The following FLRT1 variants were observed in gnomAD, a reference collection of about 807,000 sequenced individuals.
FLRT1 encodes the protein fibronectin leucine rich transmembrane protein 1.
In FLRT1, 14 loss-of-function variants were observed where a neutral mutation model predicts 30.9. The ratio of observed to expected loss-of-function variants is 0.45; its 90% CI spans 0.30 to 0.71. The LOEUF is 0.71. Ranked by LOEUF, FLRT1 falls within the 30% of genes least tolerant of loss-of-function variation. The pLI is 0.08. For missense variants in FLRT1, 737 were observed against 949.2 expected (o/e 0.78, Z 2.94); for synonymous variants, 368 against 430.4 (o/e 0.85, Z 1.80).
chr11:64,101,688 C>T lies in FLRT1; in HGVS notation c.-1037-1506C>T, dbSNP rs920315178. ...TAGCAATAAGGGCTCGTGCTAGAGCCGGCCGCCCTCCCGCCGCGTGCAGGG... is the reference window on the plus strand; with the variant it reads ...TAGCAATAAGGGCTCGTGCTAGAGCTGGCCGCCCTCCCGCCGCGTGCAGGG... On this transcript the variant is annotated intron_variant, in intron 1 of 2. Transcript: ENST00000682287. Among the ~76,000 whole-genome samples, 6 of 152,262 alleles carry T rather than the reference C, an allele frequency of 3.9e-5. No individual in the cohort carries two copies. In the Middle Eastern group the frequency reaches 0.01, roughly 259 times the overall value.
chr11:64,065,379 C>T (rs192561170), intron 1 of FLRT1, among the ~76,000 whole-genome samples: 10 of 152,314 alleles, frequency 6.6e-5, no homozygotes, highest in Admixed American at 6.5e-4. Context: ...CAGGTCCTCA[C>T]AGATTTGCCA....
chr11:64,076,710 C>T (rs1185584701), intron 1 of FLRT1, among the ~76,000 whole-genome samples: 2 of 152,202 alleles, frequency 1.3e-5, no homozygotes, highest in Non-Finnish European at 2.9e-5. Context: ...TCCATGTTTT[C>T]AGGAGCCGGA....
intron 1 of FLRT1, among the ~76,000 whole-genome samples, chr11:64,049,650 G>A (rs541021721): frequency 6.6e-6 from 1 of 152,232 alleles, no homozygotes; most frequent in African/African-American, 2.4e-5. Flanking sequence ...CCTGCTGAAG[G>A]GGGTGGACGC....
intron 1 of FLRT1, among the ~76,000 whole-genome samples, chr11:64,098,051 C>T (rs1944608614): frequency 1.3e-5 from 2 of 152,196 alleles, no homozygotes; most frequent in South Asian, 4.1e-4. Context: ...TACCCCATGT[C>T]CCTGTCCCTG....
rs1943393093 is a variant in FLRT1, at chr11:64,036,925, C to A, written c.-1038+766C>A. On this transcript the variant is annotated intron_variant, in intron 1 of 2. Transcript: ENST00000682287. The surrounding 1 kb of genome is among the most constrained non-coding windows in gnomAD (Gnocchi z 5.6). ...AAGGCTGGGGAGTGTTGTCGCCCAG[C>A]TGCAGGGAACCGTGGTTGATCAGAG... is the stretch of plus-strand genomic sequence containing the variant. Among the ~76,000 whole-genome samples, 1 of 152,176 alleles carries A rather than the reference C, an allele frequency of 6.6e-6. No homozygotes were observed. The highest frequency in any genetic ancestry group is 1.5e-5 in the Non-Finnish European group (1 of 68,024).
At chr11:64,078,474 G>A (rs1944244084) in intron 1 of FLRT1, among the ~76,000 whole-genome samples, 1 of 152,220 alleles carries the variant, frequency 6.6e-6, no homozygotes, top group Admixed American at 6.5e-5. Flanking sequence ...GAGCCACTTA[G>A]GCTAATCTGG....
chr11:64,071,595 C>T (rs1433355144), intron 1 of FLRT1, among the ~76,000 whole-genome samples: 1 of 152,150 alleles, frequency 6.6e-6, no homozygotes, highest in African/African-American at 2.4e-5. Context: ...CCCAAATGAC[C>T]GCTCTTCCCA....
intron 2 of FLRT1, among the ~76,000 whole-genome samples, chr11:64,111,452 T>C (rs1230299680): frequency 6.6e-6 from 1 of 152,242 alleles, no homozygotes; most frequent in Non-Finnish European, 1.5e-5. Flanking sequence ...TACCTGCTCA[T>C]AAGTGGCTTG....
intron 1 of FLRT1, among the ~76,000 whole-genome samples, chr11:64,074,577 C>T (rs1944167983): frequency 6.6e-6 from 1 of 152,204 alleles, no homozygotes; most frequent in African/African-American, 2.4e-5. Flanking sequence ...CCTCCATGTC[C>T]CCGCAGGCCC....
At chr11:64,048,958 A>G (rs930846948) in intron 1 of FLRT1, among the ~76,000 whole-genome samples, 5 of 147,584 alleles carry the variant, frequency 3.4e-5, no homozygotes, top group Non-Finnish European at 1.5e-5. Context: ...AGAGCCTGTC[A>G]TCCCATTTTA....
intron 1 of FLRT1, among the ~76,000 whole-genome samples, chr11:64,051,018 AG>A (rs1338196531): frequency 6.6e-6 from 1 of 152,200 alleles, no homozygotes; most frequent in South Asian, 2.1e-4. Flanking sequence ...AGCCTTGCCC[AG>A]GGGGACAGCC....
At chr11:64,075,193 A>G (rs1944179300) in intron 1 of FLRT1, among the ~76,000 whole-genome samples, 1 of 152,202 alleles carries the variant, frequency 6.6e-6, no homozygotes, top group Admixed American at 6.5e-5. Context: ...TGAGGCCATG[A>G]GCCTGGACCA....
rs773047509 is a variant in FLRT1 at position 64,117,817 on chromosome 11, T to G, written c.1550T>G (p.Val517Gly). 1 of 1,614,196 alleles carries G rather than the reference T, an allele frequency of 6.2e-7. No homozygotes were observed. Among genetic ancestry groups the G allele is most frequent in the East Asian group, 2.2e-5 (1 of 44,882 alleles). The change falls in exon 3 of 3, where the codon GTA (valine) becomes GGA (glycine). Residue 517 changes from valine to glycine, a missense_variant. By Grantham distance (109) the Val-to-Gly change is moderately radical. Transcript: ENST00000682287. ...MVTMETSNAYVADETPVCAKA... is the reference protein window; with the variant it reads ...MVTMETSNAYGADETPVCAKA... ...ACCATGGAGACCAGCAATGCCTACG[T>G]AGCTGATGAGACACCCGTGTGTGCC...
intron 1 of FLRT1, among the ~76,000 whole-genome samples, chr11:64,079,460 G>T (rs1944265655): frequency 6.6e-6 from 1 of 152,312 alleles, no homozygotes; most frequent in African/African-American, 2.4e-5. Context: ...GAAATGAGCA[G>T]CCGGGCACGC....
Position 64,035,951 on chromosome 11 carries a change from C to G in FLRT1, c.-1246C>G, listed in dbSNP as rs1414521164. ...CCCCCGCACTCCTCCCGCGGCTCCGCCGGGCGCCCGAGCCGGGCAGATGCG... is the reference window on the plus strand; with the variant it reads ...CCCCCGCACTCCTCCCGCGGCTCCGGCGGGCGCCCGAGCCGGGCAGATGCG... On this transcript the variant is annotated 5_prime_UTR_variant, in exon 1 of 3. Coordinates refer to ENST00000682287, the MANE Select transcript of FLRT1 (RefSeq NM_013280.5). 1.3e-5 allele frequency: 2 copies of G among 148,252 alleles called. No individual in the cohort carries two copies. Among genetic ancestry groups the G allele is most frequent in the Non-Finnish European group, 3.0e-5 (2 of 66,416 alleles). 9.2% of individuals were successfully genotyped at this position (148,252 alleles called of 1,614,324 possible). A position where few individuals can be genotyped will look rare whatever the true frequency, so the allele number is the denominator to read the frequency against.
intron 1 of FLRT1, among the ~76,000 whole-genome samples, chr11:64,093,325 C>T (rs1394087937): frequency 6.6e-6 from 1 of 152,212 alleles, no homozygotes; most frequent in African/African-American, 2.4e-5. Context: ...GTCACTGCTG[C>T]GGACACAGTC....
intron 1 of FLRT1, among the ~76,000 whole-genome samples, chr11:64,087,426 G>T (rs997777719): frequency 2.0e-5 from 3 of 152,152 alleles, no homozygotes; most frequent in Non-Finnish European, 1.5e-5. Context: ...TCCGGGGTGC[G>T]TCTGCCTCCC....
chr11:64,045,096 G>A (rs1436465382), intron 1 of FLRT1, among the ~76,000 whole-genome samples: 9 of 152,234 alleles, frequency 5.9e-5, no homozygotes, highest in South Asian at 2.1e-4. Context: ...GAGCAGTCCG[G>A]GTGCATGTGG....
At position 64,099,461 on chromosome 11, in the gene FLRT1, T is replaced by G. The variant is rs577396601; in HGVS notation, c.-1037-3733T>G. Among the ~76,000 whole-genome samples the G allele has an allele frequency of 2.0e-4, 31 of 152,026 alleles. 1 individual carries two copies. The highest frequency in any genetic ancestry group is 6.0e-4 in the African/African-American group (25 of 41,436). On this transcript the variant is annotated intron_variant, in intron 1 of 2. Transcript: ENST00000682287. ...ATGGAAAGATGGAGAAATGGATAGG[T>G]GGAGAGAAATGGATGAATGGAGAGA...
Sources: gnomAD v4.1 joint callset for allele counts (sites outside exome capture counted in the v4.1 genomes callset) on GRCh38, gnomAD v4.1.1 for gene constraint, Gnocchi (gnomAD v3.1) non-coding constraint, MANE v1.5 for transcripts, NCBI Gene and HGNC (gene_info 2026-07-23, HGNC 2026-07-21) for gene names.